The following GNB1 variants were observed in gnomAD, a reference collection of about 807,000 sequenced individuals.
The protein encoded by GNB1 is guanine nucleotide-binding protein G(I)/G(S)/G(T) subunit beta-1.
Under a neutral mutation model 42.9 loss-of-function variants are expected in GNB1, and 2 were observed. The observed-to-expected ratio is 0.05, with a 90% CI of 0.02 to 0.15. The LOEUF (loss-of-function observed/expected upper bound fraction) is 0.15, where lower values mean the gene tolerates loss of function less well. Among genes scored for constraint, GNB1 ranks in the 10% least tolerant of loss-of-function variants. GNB1 has a pLI of 1.00. For synonymous variants in GNB1, 183 were observed against 174.7 expected, an observed-to-expected ratio of 1.05 and a Z score of -0.38; for missense variants, 193 against 462.2, an observed-to-expected ratio of 0.42 and a Z score of 5.34.
At chr1:1,825,360 A>T (rs761990604) in intron 3 of GNB1, 37 bp downstream of exon 3, 3 of 1,461,886 alleles carry the variant, frequency 2.1e-6, no homozygotes, top group Admixed American at 3.4e-5. Context: ...CCTGAAACTC[A>T]AATGATTAAT....
intron 1 of GNB1, among the ~76,000 whole-genome samples, chr1:1,874,025 T>C (rs956408559): frequency 6.6e-6 from 1 of 152,222 alleles, no homozygotes; most frequent in African/African-American, 2.4e-5. Context: ...GCATTCTTTA[T>C]GTCTTCTCAT....
chr1:1,818,691 C>T (rs572903955), intron 3 of GNB1, among the ~76,000 whole-genome samples: 18 of 152,028 alleles, frequency 1.2e-4, no homozygotes, highest in Admixed American at 7.9e-4. Context: ...GGTGAAACCC[C>T]ATCTCTACTA....
At chr1:1,824,844 G>A (rs2100986275) in intron 3 of GNB1, 1 of 152,324 alleles carries the variant, frequency 6.6e-6, no homozygotes, top group East Asian at 1.9e-4. Context: ...AAACTGCTGG[G>A]ATTCCAGGCA....
intron 1 of GNB1, among the ~76,000 whole-genome samples, chr1:1,858,163 T>C (rs1377158215): frequency 6.6e-6 from 1 of 152,152 alleles, no homozygotes; most frequent in Non-Finnish European, 1.5e-5. Context: ...AAAGCATTCA[T>C]GAATATCCCC....
intron 1 of GNB1, among the ~76,000 whole-genome samples, chr1:1,869,810 G>C (rs1483466073): frequency 6.6e-6 from 1 of 152,086 alleles, no homozygotes; most frequent in African/African-American, 2.4e-5. Context: ...TAACACACTT[G>C]TACAACACAA....
intron 10 of GNB1, chr1:1,788,594 C>CTGTAAG (rs1646437901): frequency 5.8e-6 from 1 of 171,376 alleles, no homozygotes; most frequent in African/African-American, 2.3e-5. Context: ...GAATCTAAGT[C>CTGTAAG]TGTAAGTGTC....
intron 1 of GNB1, among the ~76,000 whole-genome samples, chr1:1,852,190 A>C (rs1415972568): frequency 6.6e-6 from 1 of 150,908 alleles, no homozygotes; most frequent in African/African-American, 2.5e-5. Context: ...ACTTGAGGCC[A>C]GGAGTTTCAG....
chr1:1,800,145 T>G (rs1240596263), intron 7 of GNB1, among the ~76,000 whole-genome samples: 3 of 152,112 alleles, frequency 2.0e-5, no homozygotes, highest in Non-Finnish European at 4.4e-5. Context: ...AATTACTACA[T>G]GTACTAAAAA....
intron 2 of GNB1, among the ~76,000 whole-genome samples, chr1:1,834,976 C>A (rs1647126237): frequency 6.6e-6 from 1 of 152,092 alleles, no homozygotes; most frequent in Admixed American, 6.6e-5. Context: ...CCTCCAAGCA[C>A]CTTTTATAAG....
chr1:1,807,497 A>T (rs1646717575), intron 5 of GNB1, among the ~76,000 whole-genome samples: 1 of 147,410 alleles, frequency 6.8e-6, no homozygotes, highest in South Asian at 2.1e-4. Flanking sequence ...AAAAAAACAA[A>T]CAGAAAGAAC....
intron 5 of GNB1, among the ~76,000 whole-genome samples, chr1:1,815,115 A>G (rs1332267686): frequency 6.7e-6 from 1 of 150,156 alleles, no homozygotes; most frequent in East Asian, 1.9e-4. Flanking sequence ...CCGTCTTTAA[A>G]AAAAAAAAAA....
At chr1:1,814,309 AAAG>A (rs1268528241) in intron 5 of GNB1, among the ~76,000 whole-genome samples, 3 of 152,204 alleles carry the variant, frequency 2.0e-5, no homozygotes, top group Admixed American at 1.3e-4. Flanking sequence ...AATACTACTC[AAAG>A]AAGGGCATGT....
chr1:1,868,075 G>A (rs1477443953), intron 1 of GNB1, among the ~76,000 whole-genome samples: 1 of 152,078 alleles, frequency 6.6e-6, no homozygotes, highest in East Asian at 1.9e-4. Context: ...ATGCATATAG[G>A]AATACTGCAT....
intron 2 of GNB1, among the ~76,000 whole-genome samples, chr1:1,831,301 C>G (rs559416976): frequency 6.6e-6 from 1 of 152,104 alleles, no homozygotes; most frequent in South Asian, 2.1e-4. Flanking sequence ...AGCACCACTG[C>G]ACTCCAATCT....
intron 1 of GNB1, among the ~76,000 whole-genome samples, chr1:1,846,410 C>CA (rs544999638): frequency 7.2e-5 from 11 of 151,904 alleles, no homozygotes; most frequent in Non-Finnish European, 1.2e-4. Context: ...CTGCTAAAAA[C>CA]AAAAAAATTA....
intron 2 of GNB1, among the ~76,000 whole-genome samples, chr1:1,837,862 G>T (rs1485430448): frequency 6.6e-6 from 1 of 151,764 alleles, no homozygotes; most frequent in Non-Finnish European, 1.5e-5. Context: ...TGCCTGGCCT[G>T]AGTTAATTTC....
rs1439722177 is a variant in GNB1, at chr1:1,812,068, A to AAAAAAAAAAAAAC, written c.203+3687_203+3688insGTTTTTTTTTTTT. ...GTGACAGAGCGAGACTCCGTCTCAA[A>AAAAAAAAAAAAAC]AAAAAAAACCCAAAAAAACTGGTAT... On this transcript the variant is annotated intron_variant, in intron 5 of 11. Coordinates refer to ENST00000378609, the MANE Select transcript of GNB1 (RefSeq NM_002074.5). 7.1e-3 allele frequency among the ~76,000 whole-genome samples: 1,075 copies of AAAAAAAAAAAAAC among 151,920 alleles called. 17 individuals carry two copies. The highest frequency in any genetic ancestry group is 0.025 in the African/African-American group (1,044 of 41,246).
chr1:1,809,012 C>T (rs1043490329), intron 5 of GNB1, among the ~76,000 whole-genome samples: 1 of 152,122 alleles, frequency 6.6e-6, no homozygotes, highest in Admixed American at 6.6e-5. Flanking sequence ...GCTGGAGTAA[C>T]GCTCTCTCAA....
At position 1,815,872 on chromosome 1, in the gene GNB1, A is replaced by G. The variant is rs375781743; in HGVS notation, c.97-10T>C. On this transcript the variant is annotated splice_polypyrimidine_tract_variant and intron_variant, in intron 4 of 11. Transcript: ENST00000378609. ...CGATGTTGTTTGTGATCTTGAAAAT[A>G]AAAACATTTCTGTAAATCAACATCT... 3.7e-5 allele frequency: 56 copies of G among 1,496,648 alleles called. No homozygotes were observed. The African/African-American group carries it at 7.4e-4, about 20-fold the overall frequency. The allele number at this position is 1,496,648 out of a possible 1,614,324, so 92.7% of individuals were successfully genotyped here. A position where few individuals can be genotyped will look rare whatever the true frequency, so the allele number is the denominator to read the frequency against.
Sources: gnomAD v4.1 joint callset for allele counts (sites outside exome capture counted in the v4.1 genomes callset) on GRCh38, gnomAD v4.1.1 for gene constraint, MANE v1.5 for transcripts, NCBI Gene and HGNC (gene_info 2026-07-23, HGNC 2026-07-21) for gene names.